LOXHD1: variants seen among roughly 807,000 people sequenced by gnomAD.
LOXHD1 encodes lipoxygenase homology PLAT domains 1, also known as lipoxygenase homology domain-containing protein 1.
LOXHD1 carries 205 observed loss-of-function variants against 248.2 expected under a neutral mutation model. That is an observed-to-expected ratio of 0.83 (90% CI 0.74 to 0.93). The LOEUF (loss-of-function observed/expected upper bound fraction) is 0.93. LOXHD1 is among the 40% of genes least tolerant of loss of function. LOXHD1 has a pLI of 0.00. For missense variants in LOXHD1, 2,930 were observed against 2,971.6 expected (o/e 0.99, Z 0.33); for synonymous variants, 1,113 against 1,162.8 (o/e 0.96, Z 0.87).
At chr18:46,568,911 C>T (rs901331628) in intron 16 of LOXHD1, among the ~76,000 whole-genome samples, 5 of 152,296 alleles carry the variant, frequency 3.3e-5, no homozygotes, top group African/African-American at 1.2e-4. Flanking sequence ...AGCAGAGTCA[C>T]CTGGAGCCTT....
At chr18:46,521,073 G>A (rs1466185234) in intron 33 of LOXHD1, 24 bp downstream of exon 33, 3 of 1,549,738 alleles carry the variant, frequency 1.9e-6, no homozygotes. Flanking sequence ...GCCATGCACT[G>A]CACACTCACA....
At chr18:46,635,686 G>C (rs2038884079) in intron 4 of LOXHD1, among the ~76,000 whole-genome samples, 1 of 152,190 alleles carries the variant, frequency 6.6e-6, no homozygotes, top group Non-Finnish European at 1.5e-5. Flanking sequence ...ATATCTACTA[G>C]TGTATGCCTG....
intron 8 of LOXHD1, 24 bp from the exon 9 acceptor site, chr18:46,594,490 C>G (rs1480394942): frequency 2.6e-6 from 4 of 1,550,624 alleles, no homozygotes; most frequent in Admixed American, 2.0e-5. Context: ...AGCACAGTGT[C>G]TCCGGCATTG....
intron 22 of LOXHD1, among the ~76,000 whole-genome samples, chr18:46,546,174 A>G (rs78521602): frequency 1.1e-4 from 16 of 150,694 alleles, no homozygotes; most frequent in African/African-American, 3.9e-4. Flanking sequence ...GGGGAGCATC[A>G]TAGAACTCTT....
chr18:46,571,106 T>C (rs78605156), intron 15 of LOXHD1, among the ~76,000 whole-genome samples: 4,021 of 152,260 alleles, frequency 0.026, 283 homozygotes, highest in East Asian at 0.23. Context: ...AATTCTGTAA[T>C]TCTGAGACCA....
chr18:46,523,044 T>C (rs896380178), intron 31 of LOXHD1, among the ~76,000 whole-genome samples: 3 of 152,012 alleles, frequency 2.0e-5, no homozygotes, highest in Non-Finnish European at 2.9e-5. Flanking sequence ...GCCTCCCAGG[T>C]TCAAGTGATT....
At chr18:46,500,975 C>T (rs1376208798) in intron 37 of LOXHD1, among the ~76,000 whole-genome samples, 1 of 152,168 alleles carries the variant, frequency 6.6e-6, no homozygotes, top group Non-Finnish European at 1.5e-5. Context: ...CCATTTTAGA[C>T]ACACATCATT....
chr18:46,477,781 A>G lies in LOXHD1; in HGVS notation c.6513T>C (p.Asp2171=). The change falls in exon 41 of 41, where the codon GAT becomes GAC. Residue 2171 remains aspartate (D), a synonymous_variant. Coordinates refer to ENST00000642948, the MANE Select transcript of LOXHD1 (RefSeq NM_001384474.1). ...CAAAGATGGTCACGAAGACGTTGGC[A>G]TCAGTGCCTGCCCCTGGCTCATAGC... is the stretch of plus-strand genomic sequence containing the variant. ...TTGYEPGAGT[D]ANVFVTIFGA... The G allele has an allele frequency of 1.3e-6, 2 of 1,551,862 alleles. No homozygotes were observed. The highest frequency in any genetic ancestry group is 2.4e-5 in the East Asian group (1 of 40,926).
intron 22 of LOXHD1, among the ~76,000 whole-genome samples, chr18:46,546,664 T>C (rs934616004): frequency 1.3e-5 from 2 of 152,158 alleles, no homozygotes; most frequent in South Asian, 2.1e-4. Context: ...TTTCTGACAA[T>C]AACTCAGTCC....
chr18:46,620,301 C>T (rs1568220297), intron 4 of LOXHD1, among the ~76,000 whole-genome samples: 1 of 152,330 alleles, frequency 6.6e-6, no homozygotes, highest in South Asian at 2.1e-4. Context: ...GGCAAGACCC[C>T]TCTTCAGGGT....
intron 5 of LOXHD1, 141 bp from the exon 6 acceptor site, chr18:46,611,065 TCC>T: frequency 1.1e-6 from 1 of 944,612 alleles, no homozygotes; most frequent in Non-Finnish European, 1.5e-6. Flanking sequence ...GCTCCTTACA[TCC>T]CTCCAGTCTC....
At chr18:46,522,610 A>T (rs2035633223) in intron 31 of LOXHD1, among the ~76,000 whole-genome samples, 1 of 152,214 alleles carries the variant, frequency 6.6e-6, no homozygotes, top group Non-Finnish European at 1.5e-5. Flanking sequence ...TAGCACTATT[A>T]TGTGAAGGAG....
At position 46,515,746 on chromosome 18, in the gene LOXHD1, T is replaced by C. The variant is rs140515159; in HGVS notation, c.5399+2383A>G. ...AGGAGACTGAATATGCAAACAATAG[T>C]AGCCAGACCATGTATGATAATAGAA... On this transcript the variant is annotated intron_variant, in intron 34 of 40. Coordinates refer to ENST00000642948, the MANE Select transcript of LOXHD1 (RefSeq NM_001384474.1). Among the ~76,000 whole-genome samples, 191 of 152,300 alleles carry C rather than the reference T, an allele frequency of 1.3e-3. 2 individuals are homozygous for C. In the Middle Eastern group the frequency reaches 0.024, roughly 19 times the overall value.
chr18:46,596,577 C>G (rs1426659778), intron 8 of LOXHD1, among the ~76,000 whole-genome samples: 2 of 152,144 alleles, frequency 1.3e-5, no homozygotes, highest in Non-Finnish European at 2.9e-5. Context: ...AAAAGGTAGA[C>G]AGGGAAAAAT....
At chr18:46,565,037 G>A (rs1363123618) in intron 17 of LOXHD1, among the ~76,000 whole-genome samples, 3 of 152,114 alleles carry the variant, frequency 2.0e-5, no homozygotes, top group Admixed American at 6.5e-5. Context: ...CCCAAGGCGG[G>A]TGGATCACTG....
intron 4 of LOXHD1, among the ~76,000 whole-genome samples, chr18:46,633,801 T>C (rs1429329174): frequency 1.3e-5 from 2 of 152,198 alleles, no homozygotes; most frequent in East Asian, 3.8e-4. Context: ...AATTTAAAAA[T>C]GGATGAAGGA....
intron 21 of LOXHD1, among the ~76,000 whole-genome samples, chr18:46,548,464 C>T (rs1452634588): frequency 2.0e-5 from 3 of 152,094 alleles, no homozygotes; most frequent in Non-Finnish European, 4.4e-5. Flanking sequence ...AGGGGGGCAA[C>T]GTTACACTGA....
At position 46,637,538 on chromosome 18, in the gene LOXHD1, G is replaced by A. The variant is rs150742161; in HGVS notation, c.511+2078C>T. Among the ~76,000 whole-genome samples, 683 of 152,256 alleles carry A rather than the reference G, an allele frequency of 4.5e-3. 18 individuals carry two copies. Among genetic ancestry groups the A allele is most frequent in the Admixed American group, 0.035 (528 of 15,292 alleles). ...AAAGAATTAAAGATGCTTAATGTTTGTGGAAGAACCTATGAAATTCACCCC... is the reference window on the plus strand; with the variant it reads ...AAAGAATTAAAGATGCTTAATGTTTATGGAAGAACCTATGAAATTCACCCC... On this transcript the variant is annotated intron_variant, in intron 4 of 40. Coordinates refer to ENST00000642948, the MANE Select transcript of LOXHD1 (RefSeq NM_001384474.1).
intron 13 of LOXHD1, among the ~76,000 whole-genome samples, chr18:46,579,285 C>T (rs944490098): frequency 1.3e-5 from 2 of 152,204 alleles, no homozygotes; most frequent in African/African-American, 4.8e-5. Context: ...TCCTTCTGTT[C>T]TGCTCTCTTC....
Sources: gnomAD v4.1 joint callset for allele counts (sites outside exome capture counted in the v4.1 genomes callset) on GRCh38, gnomAD v4.1.1 for gene constraint, MANE v1.5 for transcripts, NCBI Gene and HGNC (gene_info 2026-07-23, HGNC 2026-07-21) for gene names.